Variants in LMF1 observed in about 807,000 individuals in gnomAD.
LMF1 encodes transmembrane protein 112.
LMF1 carries 68 observed loss-of-function variants against 60.6 expected under a neutral mutation model. That is an observed-to-expected ratio of 1.12 (90% CI 0.92 to 1.37). LMF1 has a LOEUF of 1.37. Among genes scored for constraint, LMF1 ranks in the 40% most tolerant of loss-of-function variants. The pLI is 0.00. For synonymous variants in LMF1, 418 were observed against 324.7 expected (o/e 1.29, Z -3.09); for missense variants, 948 against 767.2 (o/e 1.24, Z -2.78).
chr16:971,503 G>C (rs183548409), upstream of LMF1, among the ~76,000 whole-genome samples: 50 of 152,354 alleles, frequency 3.3e-4, no homozygotes, highest in Non-Finnish European at 6.9e-4. Flanking sequence ...TGCCTGGAAT[G>C]CTCGGGGGAC....
chr16:861,346 T>TTTTC (rs1332970629), intron 10 of LMF1, among the ~76,000 whole-genome samples: 2 of 144,632 alleles, frequency 1.4e-5, no homozygotes, highest in South Asian at 2.2e-4. Flanking sequence ...CACTTATTAA[T>TTTTC]TTTCTTTCTT....
chr16:967,680 C>T (rs377536841), intron 1 of LMF1, among the ~76,000 whole-genome samples: 1 of 152,246 alleles, frequency 6.6e-6, no homozygotes, highest in Non-Finnish European at 1.5e-5. Flanking sequence ...CGGGCAGCCT[C>T]GGTCCTCCCA....
intron 4 of LMF1, among the ~76,000 whole-genome samples, chr16:905,463 G>C (rs1422120740): frequency 3.3e-5 from 5 of 152,222 alleles, no homozygotes; most frequent in African/African-American, 4.8e-5. Flanking sequence ...GCTGTTCTTG[G>C]GGGGAGGAAT....
chr16:977,043 T>C (rs1208180116), intron 1 of LMF1: 2 of 454,002 alleles, frequency 4.4e-6, no homozygotes, highest in Admixed American at 4.7e-5. Flanking sequence ...CAGGCAGACG[T>C]AAGCTGCAGC....
In LMF1 at chr16:897,477, T is replaced by C. The variant is rs1048661004; in HGVS notation, c.664-4405A>G. Among the ~76,000 whole-genome samples the C allele has an allele frequency of 1.3e-5, 2 of 152,130 alleles. No individual in the cohort carries two copies. Among genetic ancestry groups the C allele is most frequent in the African/African-American group, 4.8e-5 (2 of 41,436 alleles). On this transcript the variant is annotated intron_variant, in intron 4 of 10. Coordinates refer to ENST00000262301, the MANE Select transcript of LMF1 (RefSeq NM_022773.4). The surrounding 1 kb of genome is among the most constrained non-coding windows in gnomAD (Gnocchi z 4.3). ...TGGCGTTAGGGTCCCCTCGCCTGTATCAGTGGCCCTTCCTCCCCACCTGTA... is the reference window on the plus strand; with the variant it reads ...TGGCGTTAGGGTCCCCTCGCCTGTACCAGTGGCCCTTCCTCCCCACCTGTA...
intron 3 of LMF1, among the ~76,000 whole-genome samples, chr16:929,210 C>T (rs541617363): frequency 6.6e-6 from 1 of 152,320 alleles, no homozygotes; most frequent in South Asian, 2.1e-4. Context: ...CACTGGGGAC[C>T]GGCCCTGGTC....
chr16:921,993 C>T (rs2071444306), intron 3 of LMF1, among the ~76,000 whole-genome samples: 1 of 152,118 alleles, frequency 6.6e-6, no homozygotes, highest in Non-Finnish European at 1.5e-5. Context: ...CATTAAAAAT[C>T]CTGTGAGTGG....
chr16:884,518 T>C (rs2070251949), intron 5 of LMF1, among the ~76,000 whole-genome samples: 1 of 152,216 alleles, frequency 6.6e-6, no homozygotes, highest in Non-Finnish European at 1.5e-5. Flanking sequence ...CTGAAAGAAC[T>C]TGTCACCAGC....
At chr16:888,677 C>A (rs568938330) in intron 5 of LMF1, among the ~76,000 whole-genome samples, 1 of 152,214 alleles carries the variant, frequency 6.6e-6, no homozygotes, top group Non-Finnish European at 1.5e-5. Context: ...TTCTGGACGG[C>A]GCCCGTCCCT....
intron 1 of LMF1, among the ~76,000 whole-genome samples, chr16:957,896 A>G (rs1358634435): frequency 2.0e-5 from 3 of 152,054 alleles, no homozygotes; most frequent in East Asian, 3.9e-4. Flanking sequence ...TCATCCCAGC[A>G]CTTTGGGAGG....
intron 1 of LMF1, chr16:981,132 T>G (rs766879161): frequency 6.9e-6 from 3 of 437,166 alleles, no homozygotes; most frequent in African/African-American, 6.2e-5. Context: ...CGCGGCCCCT[T>G]GAAGCGCGTT....
Position 870,152 on chromosome 16 carries a change from G to A in LMF1, c.1233-86C>T, listed in dbSNP as rs2069739652. ...CATGGGTGGGGGGGGTTCCCCGACT[G>A]TCCATCCTGGCCCAGGGGGAGGGCT... On this transcript the variant is annotated intron_variant, in intron 8 of 10. Transcript: ENST00000262301. 3 of 1,437,928 alleles carry A rather than the reference G, an allele frequency of 2.1e-6. No individual in the cohort carries two copies. In the African/African-American group the frequency reaches 4.2e-5, roughly 20 times the overall value. The allele number at this position is 1,437,928 out of a possible 1,614,324, so 89.1% of individuals were successfully genotyped here.
exon 1 of LMF1, chr16:981,197 G>A: frequency 2.2e-6 from 1 of 455,156 alleles, no homozygotes; most frequent in Non-Finnish European, 4.4e-6. Context: ...GGCGCTGCGC[G>A]GCGGAACCGA....
At chr16:980,944 G>A (rs1164723458) in intron 1 of LMF1, 6 of 151,132 alleles carry the variant, frequency 4.0e-5, no homozygotes, top group Admixed American at 3.3e-4. Flanking sequence ...CGGGGCCCCC[G>A]CGTCCGGCCA....
intron 10 of LMF1, among the ~76,000 whole-genome samples, chr16:859,936 G>T (rs1463851043): frequency 6.5e-5 from 9 of 138,278 alleles, no homozygotes; most frequent in Admixed American, 6.2e-4. Context: ...GGTGTGAGTG[G>T]TGTCACGGGA....
chr16:889,030 A>G (rs925731388), intron 5 of LMF1, among the ~76,000 whole-genome samples: 1 of 152,192 alleles, frequency 6.6e-6, no homozygotes, highest in South Asian at 2.1e-4. Flanking sequence ...CCGTCCATGC[A>G]TCCCCGGTGT....
intron 1 of LMF1, among the ~76,000 whole-genome samples, chr16:966,824 C>G (rs1031177092): frequency 6.6e-6 from 1 of 152,240 alleles, no homozygotes; most frequent in Non-Finnish European, 1.5e-5. Flanking sequence ...CCCACTACTT[C>G]CACCTGTCAC....
At position 953,878 on chromosome 16, in the gene LMF1, CCCCAAACCA is replaced by C. The variant is rs2072572747; in HGVS notation, c.503+470_503+478del. On this transcript the variant is annotated intron_variant, in intron 2 of 10. Transcript: ENST00000262301. ...AGCCTCCTACACGTCCACACAGACA[CCCCAAACCA>C]GCCTCCTACACGTCCACACAGACAC... Among the ~76,000 whole-genome samples the C allele has an allele frequency of 7.8e-5, 6 of 76,918 alleles. 1 individual carries two copies. Among genetic ancestry groups the C allele is most frequent in the Admixed American group, 4.1e-4 (3 of 7,306 alleles). 50.5% of individuals were successfully genotyped at this position (76,918 alleles called of 152,430 possible).
intron 6 of LMF1, among the ~76,000 whole-genome samples, chr16:875,525 T>C (rs543348601): frequency 6.6e-6 from 1 of 152,276 alleles, no homozygotes; most frequent in South Asian, 2.1e-4. Flanking sequence ...CTCAGCACCT[T>C]GCTTTTCATG....
Sources: allele counts gnomAD v4.1 joint callset (sites outside exome capture counted in the v4.1 genomes callset), GRCh38; gene constraint gnomAD v4.1.1; non-coding constraint Gnocchi (gnomAD v3.1); transcripts MANE v1.5; gene names NCBI Gene and HGNC (gene_info 2026-07-23, HGNC 2026-07-21).